Variants in SEMA6D observed in about 807,000 individuals in gnomAD.
SEMA6D encodes the protein semaphorin 6D, also known as semaphorin-6D.
Under a neutral mutation model 106.6 loss-of-function variants are expected in SEMA6D, and 35 were observed. The ratio of observed to expected loss-of-function variants is 0.33; its 90% confidence interval spans 0.25 to 0.44. SEMA6D has a LOEUF of 0.44. Ranked by LOEUF, SEMA6D falls within the 20% of genes least tolerant of loss-of-function variation. SEMA6D has a pLI of 1.00. For synonymous variants in SEMA6D, 499 were observed against 487.7 expected, an observed-to-expected ratio of 1.02 and a Z score of -0.31; for missense variants, 1,185 against 1,345.9, an observed-to-expected ratio of 0.88 and a Z score of 1.87.
intron 1 of SEMA6D, among the ~76,000 whole-genome samples, chr15:47,364,340 G>A (rs746435214): frequency 1.5e-4 from 23 of 152,082 alleles, no homozygotes; most frequent in East Asian, 5.8e-4. Flanking sequence ...TTATATTATC[G>A]CAGCTTCAAA....
chr15:47,687,368 T>G (rs2078492163), intron 4 of SEMA6D, among the ~76,000 whole-genome samples: 1 of 152,096 alleles, frequency 6.6e-6, no homozygotes, highest in Admixed American at 6.6e-5. Flanking sequence ...AGTGTTATGA[T>G]AGTAGAAATA....
chr15:47,613,353 G>A (rs903856359), intron 4 of SEMA6D, among the ~76,000 whole-genome samples: 1 of 152,110 alleles, frequency 6.6e-6, no homozygotes, highest in Non-Finnish European at 1.5e-5. Context: ...AATATTTATT[G>A]AGCCCCTGTA....
chr15:47,185,676 C>T (rs1011672449), intron 1 of SEMA6D: 1 of 152,178 alleles, frequency 6.6e-6, no homozygotes, highest in East Asian at 1.9e-4. Flanking sequence ...TGCTAACATT[C>T]ATGGAGGCAG....
intron 4 of SEMA6D, among the ~76,000 whole-genome samples, chr15:47,696,951 C>T (rs565666056): frequency 1.6e-4 from 24 of 152,224 alleles, no homozygotes; most frequent in African/African-American, 4.6e-4. Context: ...ATCATTCTTG[C>T]GGTTGTTGTC....
At chr15:47,325,714 A>ATT (rs2037105292) in intron 1 of SEMA6D, among the ~76,000 whole-genome samples, 3 of 152,192 alleles carry the variant, frequency 2.0e-5, no homozygotes, top group African/African-American at 7.2e-5. Flanking sequence ...CAGTCTCTCC[A>ATT]TTTACCATAC....
At chr15:47,434,569 TTC>T (rs2041643264) in intron 2 of SEMA6D, among the ~76,000 whole-genome samples, 1 of 152,144 alleles carries the variant, frequency 6.6e-6, no homozygotes. Context: ...TTTTTTTTCC[TTC>T]TCTGTCTTCA....
At chr15:47,587,891 T>C (rs1192846702) in intron 3 of SEMA6D, among the ~76,000 whole-genome samples, 2 of 152,078 alleles carry the variant, frequency 1.3e-5, no homozygotes, top group Non-Finnish European at 2.9e-5. Flanking sequence ...CATTGTCAGG[T>C]GAGCTCACTG....
intron 4 of SEMA6D, among the ~76,000 whole-genome samples, chr15:47,628,678 ATTTT>A (rs1024457423): frequency 3.3e-5 from 5 of 151,986 alleles, no homozygotes; most frequent in African/African-American, 1.2e-4. Flanking sequence ...TATTGCAAAT[ATTTT>A]CTCCCAGTCT....
chr15:47,339,676 T>A (rs1020559357), intron 1 of SEMA6D, among the ~76,000 whole-genome samples: 2 of 152,050 alleles, frequency 1.3e-5, no homozygotes, highest in Non-Finnish European at 2.9e-5. Flanking sequence ...ATGGGCAACA[T>A]GATGAAACCC....
chr15:47,612,711 T>G lies in SEMA6D; in HGVS notation c.-55+11815T>G, dbSNP rs145094055. ...GAATGAAGGGTATGGGCTTTAGCAC[T>G]CAGACTTTTATGAAGATGGTTTTGG... On this transcript the variant is annotated intron_variant, in intron 4 of 19. Coordinates refer to the SEMA6D transcript ENST00000558014. Among the ~76,000 whole-genome samples the G allele has an allele frequency of 5.2e-3, 785 of 152,310 alleles. 7 individuals are homozygous for G. The highest frequency in any genetic ancestry group is 0.018 in the African/African-American group (766 of 41,576).
chr15:47,524,940 G>A (rs868133831), intron 3 of SEMA6D, among the ~76,000 whole-genome samples: 1 of 152,194 alleles, frequency 6.6e-6, no homozygotes, highest in Non-Finnish European at 1.5e-5. Context: ...CTTCATGAAA[G>A]TGCTCACGGA....
chr15:47,437,897 T>C (rs1393173740), intron 2 of SEMA6D, among the ~76,000 whole-genome samples: 1 of 152,116 alleles, frequency 6.6e-6, no homozygotes, highest in Admixed American at 6.6e-5. Context: ...TTCTTTCTTA[T>C]TTGGTACCTT....
At chr15:47,756,222 CCTGT>C (rs2081725180) in intron 1 of SEMA6D, among the ~76,000 whole-genome samples, 1 of 152,090 alleles carries the variant, frequency 6.6e-6, no homozygotes, top group Non-Finnish European at 1.5e-5. Flanking sequence ...TTTTTGGAGG[CCTGT>C]ACATCTGTGA....
chr15:47,544,772 T>G (rs746474317), intron 3 of SEMA6D, among the ~76,000 whole-genome samples: 6 of 131,170 alleles, frequency 4.6e-5, no homozygotes, highest in Non-Finnish European at 9.6e-5. Flanking sequence ...TCAGAAAGAT[T>G]AAACAGAGAG....
chr15:47,756,955 G>A (rs1356204909), intron 1 of SEMA6D, among the ~76,000 whole-genome samples: 2 of 149,640 alleles, frequency 1.3e-5, no homozygotes, highest in Non-Finnish European at 3.0e-5. Context: ...AGCAGTTAGT[G>A]GTAGGGCTTT....
At position 47,601,002 on chromosome 15, in the gene SEMA6D, T is replaced by G. The variant is rs140522971; in HGVS notation, c.-55+106T>G. 6 of 152,220 alleles carry G rather than the reference T, an allele frequency of 3.9e-5. No homozygotes were observed. In the East Asian group the frequency reaches 1.2e-3, roughly 29 times the overall value. The allele number at this position is 152,220 out of a possible 1,614,324, so 9.4% of individuals were successfully genotyped here. ...CATGAGTGAGACGTTCAAATGGTGC[T>G]CAGAATTAGAGTTTACTGGTGATGT... On this transcript the variant is annotated intron_variant, in intron 4 of 19. Coordinates refer to the SEMA6D transcript ENST00000558014.
chr15:47,256,321 G>A (rs962497010), intron 1 of SEMA6D, among the ~76,000 whole-genome samples: 3 of 152,118 alleles, frequency 2.0e-5, no homozygotes, highest in African/African-American at 7.2e-5. Context: ...ACTATGTTGA[G>A]CTTTCCAATC....
intron 1 of SEMA6D, among the ~76,000 whole-genome samples, chr15:47,243,055 ATATT>A (rs1457724567): frequency 1.3e-5 from 2 of 152,104 alleles, no homozygotes; most frequent in African/African-American, 4.8e-5. Context: ...TCACTTATAT[ATATT>A]CACAAGGCTA....
intron 1 of SEMA6D, among the ~76,000 whole-genome samples, chr15:47,285,041 A>G (rs1347090892): frequency 6.6e-6 from 1 of 152,190 alleles, no homozygotes; most frequent in African/African-American, 2.4e-5. Flanking sequence ...GCCTGTTGAC[A>G]TTACTTTTAA....
Sources: allele counts gnomAD v4.1 joint callset (sites outside exome capture counted in the v4.1 genomes callset), GRCh38; gene constraint gnomAD v4.1.1; transcripts MANE v1.5; gene names NCBI Gene and HGNC (gene_info 2026-07-23, HGNC 2026-07-21).